Variants in FAM184B observed in about 807,000 individuals in gnomAD.
The protein encoded by FAM184B is family with sequence similarity 184 member B, also known as protein FAM184B.
Under a neutral mutation model 135.9 loss-of-function variants are expected in FAM184B, and 111 were observed. The observed-to-expected ratio is 0.82, with a 90% confidence interval of 0.70 to 0.96. The LOEUF is 0.96. Ranked by LOEUF, FAM184B falls within the 40% of genes least tolerant of loss-of-function variation. FAM184B has a pLI of 0.00. For missense variants in FAM184B, 1,375 were observed against 1,323.9 expected (o/e 1.04, Z -0.60); for synonymous variants, 552 against 524.8 (o/e 1.05, Z -0.71).
chr4:17,636,681 C>A (rs1231015436), intron 14 of FAM184B, 36 bp from the exon 15 acceptor site: 18 of 1,414,162 alleles, frequency 1.3e-5, no homozygotes, highest in Admixed American at 4.4e-5. Context: ...GTCCCCCTTA[C>A]AGCAATTACT....
At chr4:17,667,662 C>G (rs1317627520) in intron 7 of FAM184B, among the ~76,000 whole-genome samples, 4 of 152,156 alleles carry the variant, frequency 2.6e-5, no homozygotes, top group Non-Finnish European at 5.9e-5. Context: ...TGGATATGTT[C>G]TGAGTTAACT....
At chr4:17,643,765 A>C (rs1305952159) in intron 12 of FAM184B, among the ~76,000 whole-genome samples, 3 of 152,220 alleles carry the variant, frequency 2.0e-5, no homozygotes, top group Non-Finnish European at 4.4e-5. Flanking sequence ...GTCCTTCAGC[A>C]GGACTGGCCA....
At chr4:17,742,097 G>A (rs1159749429) in intron 1 of FAM184B, among the ~76,000 whole-genome samples, 1 of 148,638 alleles carries the variant, frequency 6.7e-6, no homozygotes, top group Non-Finnish European at 1.5e-5. Context: ...CATGTTAAGT[G>A]TTCTCACTAC....
chr4:17,744,383 G>A (rs535322656), intron 1 of FAM184B, among the ~76,000 whole-genome samples: 1 of 151,952 alleles, frequency 6.6e-6, no homozygotes, highest in East Asian at 1.9e-4. Flanking sequence ...TGGAGTAGAA[G>A]AGCTGAAGGC....
chr4:17,636,748 G>T, intron 14 of FAM184B, 103 bp from the exon 15 acceptor site: 2 of 985,010 alleles, frequency 2.0e-6, no homozygotes, highest in Non-Finnish European at 2.9e-6. Flanking sequence ...GTTCAGCCCG[G>T]CCAGGGAGGC....
chr4:17,765,667 T>C (rs542158019), intron 1 of FAM184B, among the ~76,000 whole-genome samples: 9 of 152,312 alleles, frequency 5.9e-5, no homozygotes, highest in African/African-American at 2.2e-4. Context: ...TTTATTCTGG[T>C]TGTATTTGTT....
intron 13 of FAM184B, among the ~76,000 whole-genome samples, chr4:17,639,655 G>T (rs1057151285): frequency 3.3e-5 from 5 of 152,112 alleles, no homozygotes; most frequent in African/African-American, 1.2e-4. Context: ...ACTTCAGGTG[G>T]AAGTGATGGA....
chr4:17,696,537 C>A (rs1003252637), intron 5 of FAM184B, among the ~76,000 whole-genome samples: 6 of 152,178 alleles, frequency 3.9e-5, no homozygotes, highest in Admixed American at 6.5e-5. Flanking sequence ...CTGGAACCAT[C>A]GAGTGTGCTC....
At chr4:17,766,252 T>G (rs1011957784) in intron 1 of FAM184B, among the ~76,000 whole-genome samples, 4 of 152,236 alleles carry the variant, frequency 2.6e-5, no homozygotes, top group Admixed American at 1.3e-4. Context: ...GATTGGTCCG[T>G]TTTGACAGGG....
At chr4:17,751,171 G>T (rs1310659609) in intron 1 of FAM184B, among the ~76,000 whole-genome samples, 2 of 152,046 alleles carry the variant, frequency 1.3e-5, no homozygotes, top group African/African-American at 4.8e-5. Flanking sequence ...AGCCGGGTGT[G>T]GTGGTGGACA....
At chr4:17,766,410 A>C (rs899115605) in intron 1 of FAM184B, among the ~76,000 whole-genome samples, 2 of 152,166 alleles carry the variant, frequency 1.3e-5, no homozygotes, top group Admixed American at 1.3e-4. Flanking sequence ...ATAATCCCTT[A>C]GCTAGACATA....
At chr4:17,676,303 A>G (rs1716308476) in intron 7 of FAM184B, among the ~76,000 whole-genome samples, 1 of 152,204 alleles carries the variant, frequency 6.6e-6, no homozygotes, top group Non-Finnish European at 1.5e-5. Context: ...ACCAGAACAC[A>G]TACAACATTT....
intron 4 of FAM184B, 129 bp downstream of exon 4, chr4:17,705,623 C>A: frequency 8.7e-7 from 1 of 1,144,262 alleles, no homozygotes; most frequent in Non-Finnish European, 1.2e-6. Flanking sequence ...AATTCTACTC[C>A]AGGAACTACA....
At chr4:17,765,037 G>A (rs1462397238) in intron 1 of FAM184B, among the ~76,000 whole-genome samples, 1 of 152,096 alleles carries the variant, frequency 6.6e-6, no homozygotes, top group Non-Finnish European at 1.5e-5. Flanking sequence ...CTGCACTCCT[G>A]GGCAACAGAG....
At chr4:17,676,357 A>G (rs1297674642) in intron 7 of FAM184B, among the ~76,000 whole-genome samples, 1 of 152,228 alleles carries the variant, frequency 6.6e-6, no homozygotes, top group Non-Finnish European at 1.5e-5. Flanking sequence ...TGGTGCCCCA[A>G]AACAATTACA....
At chr4:17,648,852 C>G (rs975556216) in intron 11 of FAM184B, among the ~76,000 whole-genome samples, 1 of 152,102 alleles carries the variant, frequency 6.6e-6, no homozygotes, top group South Asian at 2.1e-4. Flanking sequence ...CTCCAGCTTC[C>G]CCTCTGAGGA....
chr4:17,704,858 G>T, intron 5 of FAM184B, 142 bp downstream of exon 5: 1 of 712,746 alleles, frequency 1.4e-6, no homozygotes, highest in Non-Finnish European at 2.3e-6. Flanking sequence ...TCATCTGTGT[G>T]TATTCAGAGA....
chr4:17,691,174 C>A (rs1022289023), intron 6 of FAM184B, among the ~76,000 whole-genome samples: 61 of 152,128 alleles, frequency 4.0e-4, no homozygotes, highest in Non-Finnish European at 6.8e-4. Context: ...AGCCACATTA[C>A]CTGGGTTTGA....
chr4:17,669,037 G>T (rs1716114878), intron 7 of FAM184B, among the ~76,000 whole-genome samples: 1 of 152,156 alleles, frequency 6.6e-6, no homozygotes, highest in South Asian at 2.1e-4. Context: ...AAACCCTACA[G>T]CCAGGGACTG....
Sources: gnomAD v4.1 joint callset for allele counts (sites outside exome capture counted in the v4.1 genomes callset) on GRCh38, gnomAD v4.1.1 for gene constraint, MANE v1.5 for transcripts, NCBI Gene and HGNC (gene_info 2026-07-23, HGNC 2026-07-21) for gene names.